HAUS7: variants seen among roughly 807,000 people sequenced by gnomAD.
The protein encoded by HAUS7 is HAUS augmin-like complex subunit 7.
HAUS7 carries 3 observed loss-of-function variants against 28.4 expected under a neutral mutation model. The ratio of observed to expected loss-of-function variants is 0.11; its 90% CI spans 0.05 to 0.27. The LOEUF is 0.27. HAUS7 is among the 10% of genes least tolerant of loss of function. The probability of loss-of-function intolerance (pLI) is 1.00; values close to 1 mark genes in which losing one functional copy is unlikely to be tolerated. For missense variants in HAUS7, 284 were observed against 297.3 expected (o/e 0.96, Z 0.33); for synonymous variants, 165 against 132.1 (o/e 1.25, Z -1.71).
upstream of HAUS7, among the ~76,000 whole-genome samples, chrX:153,473,816 C>T (rs2089544850): frequency 9.1e-6 from 1 of 109,761 alleles, no homozygotes; most frequent in African/African-American, 3.3e-5. Flanking sequence ...TCTCCCTCTT[C>T]CTTCTCCTCA....
chrX:153,470,159 G>C (rs1489672002), intron 1 of HAUS7, among the ~76,000 whole-genome samples: 1 of 113,297 alleles, frequency 8.8e-6, no homozygotes, highest in African/African-American at 3.2e-5. Context: ...TGGGTCCTCT[G>C]TGTCTGCACT....
intron 1 of HAUS7, chrX:153,481,142 G>A: frequency 1.9e-6 from 1 of 522,882 alleles, no homozygotes; most frequent in Non-Finnish European, 2.3e-6. Context: ...CGTGTGTGGG[G>A]TGGGAGGGAA....
chrX:153,452,781 G>A (rs986934464), intron 9 of HAUS7, among the ~76,000 whole-genome samples: 6 of 111,718 alleles, frequency 5.4e-5, no homozygotes, highest in Admixed American at 3.8e-4. Context: ...TCAGCAGTTC[G>A]AGACCAGCCC....
intron 1 of HAUS7, among the ~76,000 whole-genome samples, chrX:153,477,347 G>A (rs2089568872): frequency 1.8e-5 from 2 of 113,327 alleles, no homozygotes; most frequent in Non-Finnish European, 3.8e-5. Flanking sequence ...CCAGGCAGGG[G>A]GAGGGGCGGA....
upstream of HAUS7, among the ~76,000 whole-genome samples, chrX:153,471,330 A>G (rs2089522543): frequency 8.9e-6 from 1 of 112,267 alleles, no homozygotes; most frequent in Admixed American, 9.4e-5. Context: ...TGCCCGGCGC[A>G]TGCGAAGAAC....
chrX:153,486,378 G>A (rs1465017377), intron 1 of HAUS7, among the ~76,000 whole-genome samples: 1 of 112,744 alleles, frequency 8.9e-6, no homozygotes, highest in African/African-American at 3.2e-5. Flanking sequence ...GGCAGTGGCC[G>A]GATGCTGGCA....
At chrX:153,452,709 G>A (rs1411930636) in intron 9 of HAUS7, among the ~76,000 whole-genome samples, 1 of 112,150 alleles carries the variant, frequency 8.9e-6, no homozygotes, top group Non-Finnish European at 1.9e-5. Context: ...GAGGCTGGGC[G>A]CGGTGGCTCA....
upstream of HAUS7, chrX:153,471,138 T>A: frequency 3.7e-6 from 1 of 272,506 alleles, no homozygotes; most frequent in Middle Eastern, 5.0e-4. Flanking sequence ...CTCTTCACCA[T>A]GCTCACGCTG....
chrX:153,480,863 G>A (rs1015751848), intron 1 of HAUS7: 252 of 754,077 alleles, frequency 3.3e-4, no homozygotes, highest in African/African-American at 2.3e-3. Flanking sequence ...GGAAGCCCGA[G>A]GCCTTGAAGC....
chrX:153,484,463 G>A (rs1445381630), intron 1 of HAUS7, among the ~76,000 whole-genome samples: 1 of 111,163 alleles, frequency 9.0e-6, no homozygotes, highest in Non-Finnish European at 1.9e-5. Flanking sequence ...TGTAGGAGTC[G>A]GGCTAGGGAG....
upstream of HAUS7, among the ~76,000 whole-genome samples, chrX:153,471,582 T>C (rs781979167): frequency 9.0e-6 from 1 of 111,179 alleles, no homozygotes; most frequent in Non-Finnish European, 1.9e-5. Context: ...CAGGAAGGAG[T>C]TGGAGGGTGG....
intron 9 of HAUS7, among the ~76,000 whole-genome samples, chrX:153,453,248 G>T (rs1432874676): frequency 3.6e-5 from 4 of 111,802 alleles, no homozygotes; most frequent in African/African-American, 1.3e-4. Context: ...CTATGACAGT[G>T]GTTGCCAGGA....
At chrX:153,465,169 G>T in intron 2 of HAUS7, 114 bp from the exon 3 acceptor site, 1 of 483,557 alleles carries the variant, frequency 2.1e-6, no homozygotes, top group Non-Finnish European at 3.6e-6. Context: ...GGCACGGAGC[G>T]GCTCACTTTA....
chrX:153,481,146 G>C (rs1376724719), intron 1 of HAUS7: 1 of 511,942 alleles, frequency 2.0e-6, no homozygotes. Flanking sequence ...TGTGGGGTGG[G>C]AGGGAAGCCC....
chrX:153,455,374 C>T (rs925859153), intron 8 of HAUS7, 168 bp downstream of exon 8: 42 of 448,352 alleles, frequency 9.4e-5, no homozygotes, highest in Non-Finnish European at 1.1e-4. Context: ...AGCCCTGCCA[C>T]GCCACTGGCC....
At position 153,451,822 on chromosome X, in the gene HAUS7, G is replaced by C. The variant is rs782306495; in HGVS notation, c.1045+2572C>G. Among the ~76,000 whole-genome samples the C allele has an allele frequency of 2.6e-4, 29 of 111,844 alleles. No individual in the cohort carries two copies. In the Admixed American group the frequency reaches 2.7e-3, roughly 11 times the overall value. On this transcript the variant is annotated intron_variant, in intron 9 of 9. Transcript: ENST00000370211. ...TGTGTGCCGGGCTGTGAAAATCCCA[G>C]AGAGAGAGACCTGAGAAGGCCCTGA...
At chrX:153,465,604 C>T (rs1019715342) in intron 2 of HAUS7, among the ~76,000 whole-genome samples, 1 of 112,680 alleles carries the variant, frequency 8.9e-6, no homozygotes, top group Non-Finnish European at 1.9e-5. Flanking sequence ...ACCTTGGGCA[C>T]GGTGAAGGCT....
chrX:153,457,555 T>C (rs1556982551), intron 4 of HAUS7, among the ~76,000 whole-genome samples: 4 of 113,142 alleles, frequency 3.5e-5, no homozygotes, highest in Non-Finnish European at 5.6e-5. Flanking sequence ...CAGGGCCTGC[T>C]ATGACAGAAC....
upstream of HAUS7, among the ~76,000 whole-genome samples, chrX:153,474,402 T>C (rs1478030241): frequency 1.8e-5 from 2 of 111,745 alleles, no homozygotes; most frequent in Non-Finnish European, 3.8e-5. Flanking sequence ...ACCATCGCCA[T>C]CACCATCGCC....
Sources: gnomAD v4.1 joint callset for allele counts (sites outside exome capture counted in the v4.1 genomes callset) on GRCh38, gnomAD v4.1.1 for gene constraint, MANE v1.5 for transcripts, NCBI Gene and HGNC (gene_info 2026-07-23, HGNC 2026-07-21) for gene names.